SLC25A26: variants seen among roughly 807,000 people sequenced by gnomAD.
The protein encoded by SLC25A26 is solute carrier family 25 member 26.
In SLC25A26, 36 loss-of-function variants were observed where a neutral mutation model predicts 37.8. The ratio of observed to expected loss-of-function variants is 0.95; its 90% confidence interval spans 0.73 to 1.26. The LOEUF (loss-of-function observed/expected upper bound fraction) is 1.26. SLC25A26 is among the 50% of genes most tolerant of loss of function. SLC25A26 has a pLI of 0.00. For missense variants in SLC25A26, 390 were observed against 331.1 expected (o/e 1.18, Z -1.38); for synonymous variants, 129 against 122.5 (o/e 1.05, Z -0.35).
intron 5 of SLC25A26, among the ~76,000 whole-genome samples, chr3:66,295,405 GT>G (rs10672736): frequency 8.7e-4 from 105 of 120,942 alleles, no homozygotes; most frequent in South Asian, 1.9e-3. Context: ...TTGTATTTTT[GT>G]TTTTTTTTTT....
chr3:66,153,800 C>G (rs545799198), intron 1 of SLC25A26, among the ~76,000 whole-genome samples: 39 of 152,180 alleles, frequency 2.6e-4, no homozygotes, highest in Non-Finnish European at 4.7e-4. Flanking sequence ...AATGAAAACC[C>G]CAGCTAGTTC....
intron 1 of SLC25A26, among the ~76,000 whole-genome samples, chr3:66,210,639 A>C (rs2071272664): frequency 6.6e-6 from 1 of 151,938 alleles, no homozygotes; most frequent in African/African-American, 2.4e-5. Flanking sequence ...CTGTCTCTCG[A>C]GTAGTTGGGG....
chr3:66,286,083 TC>T (rs1211335031), intron 5 of SLC25A26, among the ~76,000 whole-genome samples: 3 of 152,220 alleles, frequency 2.0e-5, no homozygotes, highest in African/African-American at 7.2e-5. Flanking sequence ...TTTCGAAAGT[TC>T]TTTATATATT....
At chr3:66,241,912 C>CTT (rs36194673) in intron 2 of SLC25A26, among the ~76,000 whole-genome samples, 11,813 of 144,468 alleles carry the variant, frequency 0.082, 566 homozygotes, top group African/African-American at 0.13. Context: ...GAAAGCATAG[C>CTT]TTTTTTTTTT....
chr3:66,344,120 T>G (rs908141177), intron 5 of SLC25A26, among the ~76,000 whole-genome samples: 4 of 152,310 alleles, frequency 2.6e-5, no homozygotes, highest in East Asian at 1.9e-4. Context: ...CTGTGGTCAC[T>G]GTCTGTCAAA....
intron 1 of SLC25A26, among the ~76,000 whole-genome samples, chr3:66,190,610 G>A (rs1369506541): frequency 2.0e-5 from 3 of 151,912 alleles, no homozygotes; most frequent in Non-Finnish European, 4.4e-5. Flanking sequence ...TGTATTTTTA[G>A]TAGAGATGGG....
At chr3:66,311,286 A>G (rs1349502069) in intron 5 of SLC25A26, among the ~76,000 whole-genome samples, 1 of 151,914 alleles carries the variant, frequency 6.6e-6, no homozygotes, top group Admixed American at 6.6e-5. Context: ...CGATTCGGCT[A>G]TTGATACTTG....
At chr3:66,298,111 T>C (rs111966716) in intron 5 of SLC25A26, among the ~76,000 whole-genome samples, 1 of 152,158 alleles carries the variant, frequency 6.6e-6, no homozygotes, top group Non-Finnish European at 1.5e-5. Flanking sequence ...AAACTTGGGG[T>C]GAGGCCCAGA....
At chr3:66,135,193 G>A (rs1263146394) in intron 1 of SLC25A26, among the ~76,000 whole-genome samples, 1 of 152,076 alleles carries the variant, frequency 6.6e-6, no homozygotes, top group African/African-American at 2.4e-5. Context: ...ACTGAAAATT[G>A]TTTTTAATTT....
intron 5 of SLC25A26, among the ~76,000 whole-genome samples, chr3:66,328,168 G>C (rs759768621): frequency 6.6e-6 from 1 of 152,082 alleles, no homozygotes; most frequent in African/African-American, 2.4e-5. Context: ...AGATTATTTT[G>C]TGTTTTGTTT....
intron 7 of SLC25A26, among the ~76,000 whole-genome samples, chr3:66,364,003 C>T (rs941132636): frequency 6.6e-6 from 1 of 151,666 alleles, no homozygotes. Flanking sequence ...CATTATTCCC[C>T]AGTCCCTAAG....
At chr3:66,200,889 T>C (rs956685668) in intron 1 of SLC25A26, among the ~76,000 whole-genome samples, 7 of 152,090 alleles carry the variant, frequency 4.6e-5, no homozygotes, top group Non-Finnish European at 8.8e-5. Context: ...AGCAACTGAC[T>C]AAGTGGGGGA....
At chr3:66,367,456 G>C (rs1426301290) in intron 7 of SLC25A26, among the ~76,000 whole-genome samples, 1 of 152,278 alleles carries the variant, frequency 6.6e-6, no homozygotes, top group Non-Finnish European at 1.5e-5. Context: ...TTCAGCCACA[G>C]AATAAGTAAT....
In SLC25A26 at chr3:66,209,014, A is replaced by T. The variant is rs2071227228; in HGVS notation, c.-353-11728A>T. Reference sequence around the variant, plus strand: ...TTTATGTACCCATATAAAGGTATATATATATATACACACCCATATAAAGGT... The same window carrying T: ...TTTATGTACCCATATAAAGGTATATTTATATATACACACCCATATAAAGGT... On this transcript the variant is annotated intron_variant, in intron 1 of 10. Coordinates refer to the SLC25A26 transcript ENST00000676754. 1.1e-3 allele frequency among the ~76,000 whole-genome samples: 130 copies of T among 122,434 alleles called. 1 individual carries two copies. The highest frequency in any genetic ancestry group is 3.6e-3 in the African/African-American group (125 of 34,560). The allele number at this position is 122,434 out of a possible 152,430, so 80.3% of individuals were successfully genotyped here.
chr3:66,146,873 T>G (rs913715047), intron 1 of SLC25A26, among the ~76,000 whole-genome samples: 1 of 152,160 alleles, frequency 6.6e-6, no homozygotes, highest in African/African-American at 2.4e-5. Context: ...ATCAGTCTTA[T>G]GCTTTTGCGG....
At position 66,356,048 on chromosome 3, in the gene SLC25A26, C is replaced by G. The variant is rs149208489; in HGVS notation, c.499-6812C>G. On this transcript the variant is annotated intron_variant, in intron 6 of 9. Coordinates refer to ENST00000354883, the MANE Select transcript of SLC25A26 (RefSeq NM_001379210.1). ...TCTTGTAGGGTTGGAAGCCATATAA[C>G]TGCTTTTGAATAGAGCAGCTAAAGA... The G allele has an allele frequency of 2.5e-3, 1,140 of 456,214 alleles. 16 individuals are homozygous for G. The highest frequency in any genetic ancestry group is 0.02 in the African/African-American group (1,006 of 50,174). 28.3% of individuals were successfully genotyped at this position (456,214 alleles called of 1,614,324 possible). A position where few individuals can be genotyped will look rare whatever the true frequency, so the allele number is the denominator to read the frequency against.
intron 7 of SLC25A26, among the ~76,000 whole-genome samples, chr3:66,365,854 T>G (rs2076812674): frequency 6.6e-6 from 1 of 152,104 alleles, no homozygotes; most frequent in Non-Finnish European, 1.5e-5. Flanking sequence ...TCCAGACTAA[T>G]CAGGGGCAAC....
intron 6 of SLC25A26, among the ~76,000 whole-genome samples, chr3:66,360,173 A>C (rs2076665720): frequency 2.0e-5 from 3 of 152,178 alleles, no homozygotes; most frequent in Non-Finnish European, 2.9e-5. Flanking sequence ...GATAGTTGTC[A>C]GTGGAGAAGC....
At chr3:66,155,079 T>C (rs1402423844) in intron 1 of SLC25A26, among the ~76,000 whole-genome samples, 1 of 152,240 alleles carries the variant, frequency 6.6e-6, no homozygotes, top group Non-Finnish European at 1.5e-5. Flanking sequence ...CTTCTTGTCT[T>C]TATTTGATTA....
Sources: gnomAD v4.1 joint callset for allele counts (sites outside exome capture counted in the v4.1 genomes callset) on GRCh38, gnomAD v4.1.1 for gene constraint, MANE v1.5 for transcripts, NCBI Gene and HGNC (gene_info 2026-07-23, HGNC 2026-07-21) for gene names.